Variants in GLDC observed in about 807,000 individuals in gnomAD.
The protein encoded by GLDC is glycine decarboxylase, also known as glycine dehydrogenase (decarboxylating), mitochondrial.
In GLDC, 104 loss-of-function variants were observed where a neutral mutation model predicts 121.3. The observed-to-expected ratio is 0.86, with a 90% CI of 0.73 to 1.01. The LOEUF is 1.01. Among genes scored for constraint, GLDC ranks in the 50% least tolerant of loss-of-function variants. The pLI, the probability that GLDC is intolerant of heterozygous loss-of-function variation, is 0.00. For missense variants in GLDC, 1,429 were observed against 1,306.6 expected, an observed-to-expected ratio of 1.09 and a Z score of -1.44; for synonymous variants, 546 against 480.6, an observed-to-expected ratio of 1.14 and a Z score of -1.78.
At chr9:6,574,754 A>ATTTGGCCCC (rs1818031260) in intron 15 of GLDC, among the ~76,000 whole-genome samples, 4 of 152,036 alleles carry the variant, frequency 2.6e-5, no homozygotes, top group Admixed American at 2.6e-4. Flanking sequence ...GAGAGGGCTT[A>ATTTGGCCCC]CAGGTCTCTC....
At chr9:6,614,079 G>A (rs904793747) in intron 3 of GLDC, among the ~76,000 whole-genome samples, 2 of 151,982 alleles carry the variant, frequency 1.3e-5, no homozygotes, top group Non-Finnish European at 2.9e-5. Flanking sequence ...TAATTATCAC[G>A]CCCACCCTGA....
At chr9:6,613,127 C>G (rs1587967629) in intron 3 of GLDC, among the ~76,000 whole-genome samples, 1 of 152,040 alleles carries the variant, frequency 6.6e-6, no homozygotes, top group Non-Finnish European at 1.5e-5. Context: ...AACCAGCTAC[C>G]ATTCATTAAC....
intron 10 of GLDC, 73 bp downstream of exon 10, chr9:6,592,778 A>C: frequency 7.0e-7 from 1 of 1,420,792 alleles, no homozygotes; most frequent in Non-Finnish European, 9.8e-7. Context: ...TTTAAAAACA[A>C]AGAGAAAACC....
intron 2 of GLDC, among the ~76,000 whole-genome samples, chr9:6,640,831 T>G (rs1256988500): frequency 6.6e-6 from 1 of 152,198 alleles, no homozygotes; most frequent in African/African-American, 2.4e-5. Context: ...TTGAATTAAT[T>G]ATAAAATGAA....
chr9:6,566,241 T>A (rs1287731779), intron 15 of GLDC, among the ~76,000 whole-genome samples: 1 of 152,128 alleles, frequency 6.6e-6, no homozygotes, highest in East Asian at 1.9e-4. Context: ...AGATCCCGTC[T>A]CAAAAAATAA....
intron 16 of GLDC, among the ~76,000 whole-genome samples, chr9:6,563,660 C>G (rs1817799762): frequency 6.6e-6 from 1 of 152,204 alleles, no homozygotes; most frequent in Non-Finnish European, 1.5e-5. Flanking sequence ...TAGTTCTAAA[C>G]TAATCATTCC....
intron 7 of GLDC, among the ~76,000 whole-genome samples, chr9:6,603,135 C>G (rs560011792): frequency 3.0e-4 from 46 of 151,324 alleles, no homozygotes; most frequent in African/African-American, 1.1e-3. Context: ...GGCTGAGGCT[C>G]AAGAATCACT....
intron 2 of GLDC, among the ~76,000 whole-genome samples, chr9:6,638,443 G>T (rs902991448): frequency 3.9e-5 from 6 of 151,988 alleles, no homozygotes; most frequent in Non-Finnish European, 7.4e-5. Context: ...TTGAACTCCG[G>T]ACCTCAGATG....
At chr9:6,628,730 G>C (rs1270769271) in intron 2 of GLDC, among the ~76,000 whole-genome samples, 1 of 152,210 alleles carries the variant, frequency 6.6e-6, no homozygotes, top group African/African-American at 2.4e-5. Flanking sequence ...GACAGAGTGA[G>C]ACCCTGCCTA....
chr9:6,587,329 C>G, intron 14 of GLDC, 46 bp from the exon 15 acceptor site: 1 of 1,333,750 alleles, frequency 7.5e-7, no homozygotes, highest in Non-Finnish European at 1.1e-6. Flanking sequence ...ATTATAATAG[C>G]AATAGCAATA....
At chr9:6,636,318 C>A (rs1819501500) in intron 2 of GLDC, among the ~76,000 whole-genome samples, 2 of 148,866 alleles carry the variant, frequency 1.3e-5, no homozygotes, top group South Asian at 2.1e-4. Context: ...AAAAAAAAAA[C>A]ACTTTGGGTG....
chr9:6,644,728 T>TTTTAACTCA, intron 1 of GLDC, 36 bp from the exon 2 acceptor site: 2 of 1,438,164 alleles, frequency 1.4e-6, no homozygotes, highest in Non-Finnish European at 2.0e-6. Context: ...AAAGTGCCTC[T>TTTTAACTCA]GAGTTAAAAG....
At chr9:6,550,080 A>G (rs924754380) in intron 21 of GLDC, among the ~76,000 whole-genome samples, 13 of 152,112 alleles carry the variant, frequency 8.5e-5, no homozygotes, top group South Asian at 2.1e-4. Context: ...TCAGGCTCTC[A>G]TCGGCTACGC....
At chr9:6,565,101 A>G (rs1248567652) in intron 16 of GLDC, among the ~76,000 whole-genome samples, 1 of 152,200 alleles carries the variant, frequency 6.6e-6, no homozygotes, top group Non-Finnish European at 1.5e-5. Context: ...GCAGTTCCAC[A>G]GCCAACTGGC....
chr9:6,601,969 T>C, intron 8 of GLDC, 140 bp downstream of exon 8: 1 of 672,544 alleles, frequency 1.5e-6, no homozygotes, highest in Non-Finnish European at 2.7e-6. Flanking sequence ...ATGAGCCTTC[T>C]ACACCAATAA....
intron 2 of GLDC, among the ~76,000 whole-genome samples, chr9:6,640,332 G>A (rs146770393): frequency 5.1e-4 from 78 of 152,340 alleles, no homozygotes; most frequent in African/African-American, 1.6e-3. Context: ...CACAGACTGC[G>A]GGGCCTACAG....
chr9:6,631,730 A>T (rs1055369444), intron 2 of GLDC, among the ~76,000 whole-genome samples: 1 of 152,206 alleles, frequency 6.6e-6, no homozygotes, highest in African/African-American at 2.4e-5. Context: ...AGTCCAACTC[A>T]AACAGTGTAT....
At chr9:6,538,342 C>T (rs1306864436) in intron 22 of GLDC, among the ~76,000 whole-genome samples, 1 of 152,170 alleles carries the variant, frequency 6.6e-6, no homozygotes, top group Non-Finnish European at 1.5e-5. Context: ...GATAATTGGT[C>T]TGATAATTAG....
intron 16 of GLDC, among the ~76,000 whole-genome samples, chr9:6,562,955 C>T (rs1026665863): frequency 1.3e-5 from 2 of 152,326 alleles, no homozygotes; most frequent in Admixed American, 1.3e-4. Flanking sequence ...TTCCCTGCCT[C>T]TCCCTTTCCC....
Sources: allele counts gnomAD v4.1 joint callset (sites outside exome capture counted in the v4.1 genomes callset), GRCh38; gene constraint gnomAD v4.1.1; transcripts MANE v1.5; gene names NCBI Gene and HGNC (gene_info 2026-07-23, HGNC 2026-07-21).